Variants in C2CD5 observed in about 807,000 individuals in gnomAD.
C2CD5 encodes C2 domain-containing protein 5.
Under a neutral mutation model 130.3 loss-of-function variants are expected in C2CD5, and 109 were observed. The ratio of observed to expected loss-of-function variants is 0.84; its 90% CI spans 0.72 to 0.98. C2CD5 has a LOEUF of 0.98. Ranked by LOEUF, C2CD5 falls within the 50% of genes least tolerant of loss-of-function variation. C2CD5 has a pLI of 0.00. For synonymous variants in C2CD5, 454 were observed against 429.2 expected (o/e 1.06, Z -0.71); for missense variants, 996 against 1,261.8 (o/e 0.79, Z 3.19).
intron 7 of C2CD5, among the ~76,000 whole-genome samples, 185 bp from the exon 8 acceptor site, chr12:22,518,322 A>G (rs1442361099): frequency 1.3e-5 from 2 of 152,212 alleles, no homozygotes; most frequent in Non-Finnish European, 2.9e-5. Context: ...CCAGATAAAT[A>G]TTATCTGCAT....
chr12:22,477,431 C>A (rs1034518865), intron 15 of C2CD5: 3 of 152,112 alleles, frequency 2.0e-5, no homozygotes, highest in Non-Finnish European at 4.4e-5. Flanking sequence ...ACGCAACAAT[C>A]CAGACACACT....
intron 22 of C2CD5, among the ~76,000 whole-genome samples, chr12:22,469,481 A>C (rs1379626118): frequency 1.3e-5 from 2 of 152,190 alleles, no homozygotes; most frequent in Admixed American, 6.5e-5. Context: ...AGGTATGAGA[A>C]TAGAATATCA....
intron 10 of C2CD5, chr12:22,502,877 A>C: frequency 1.2e-6 from 1 of 808,722 alleles, no homozygotes; most frequent in African/African-American, 1.7e-5. Context: ...AAAACACTAC[A>C]AACAAGAACG....
intron 25 of C2CD5, among the ~76,000 whole-genome samples, chr12:22,455,209 T>C (rs1381586655): frequency 6.6e-6 from 1 of 152,184 alleles, no homozygotes; most frequent in African/African-American, 2.4e-5. Context: ...TGCCTCCAAC[T>C]CAATCATAGT....
At chr12:22,500,984 G>C (rs1947702657) in intron 10 of C2CD5, among the ~76,000 whole-genome samples, 1 of 152,002 alleles carries the variant, frequency 6.6e-6, no homozygotes, top group African/African-American at 2.4e-5. Flanking sequence ...ACATATGAGA[G>C]CAATGGCTAA....
rs1218276901 is a variant in C2CD5, at chr12:22,457,122, T to C, written c.2726A>G (p.Asn909Ser). 1.2e-6 allele frequency: 2 copies of C among 1,609,308 alleles called. No individual in the cohort carries two copies. The highest frequency in any genetic ancestry group is 2.2e-5 in the East Asian group (1 of 44,578). Residue 909 changes from asparagine to serine, a missense_variant, in exon 25 of 27, where the codon AAT (asparagine) becomes AGT (serine). Asn to Ser is a conservative substitution (Grantham distance 46). Coordinates refer to ENST00000446597, the MANE Select transcript of C2CD5 (RefSeq NM_001286176.2). ...VEKASPVGDG[N>S]FRNRSAPPCA... ...AGGTGGAGCAGAACGATTCCGGAAA[T>C]TTCCATCACCCACTGGACTTGCTTT... is the stretch of plus-strand genomic sequence containing the variant.
At chr12:22,510,466 T>C (rs1565759557) in intron 9 of C2CD5, among the ~76,000 whole-genome samples, 1 of 152,184 alleles carries the variant, frequency 6.6e-6, no homozygotes, top group Non-Finnish European at 1.5e-5. Flanking sequence ...AATGGGAGTA[T>C]TCTTTTAAAA....
chr12:22,497,861 T>C (rs1947220904), intron 10 of C2CD5, among the ~76,000 whole-genome samples: 1 of 151,474 alleles, frequency 6.6e-6, no homozygotes, highest in Non-Finnish European at 1.5e-5. Flanking sequence ...ATGTGCAATC[T>C]ACTCCATAAT....
At chr12:22,452,414 G>A (rs1210148005) in intron 26 of C2CD5, among the ~76,000 whole-genome samples, 1 of 151,832 alleles carries the variant, frequency 6.6e-6, no homozygotes, top group Non-Finnish European at 1.5e-5. Context: ...TTCTCCCCAT[G>A]TACCCCTTTT....
intron 7 of C2CD5, 90 bp from the exon 8 acceptor site, chr12:22,518,227 G>C: frequency 2.4e-6 from 3 of 1,236,150 alleles, no homozygotes; most frequent in Non-Finnish European, 3.6e-6. Context: ...GAAAGAATTG[G>C]GGCAGGGCCA....
At chr12:22,450,573 C>T (rs983867611) in intron 26 of C2CD5, among the ~76,000 whole-genome samples, 1 of 151,864 alleles carries the variant, frequency 6.6e-6, no homozygotes, top group East Asian at 1.9e-4. Flanking sequence ...AATATAAAAT[C>T]ATTTACATAA....
At chr12:22,496,788 A>G (rs1422820046) in intron 10 of C2CD5, among the ~76,000 whole-genome samples, 3 of 151,708 alleles carry the variant, frequency 2.0e-5, no homozygotes, top group African/African-American at 7.3e-5. Flanking sequence ...AAATCTTTTA[A>G]TATATCCTTT....
At chr12:22,524,661 A>G (rs746619396) in intron 5 of C2CD5, 34 bp from the exon 6 acceptor site, 1 of 1,564,704 alleles carries the variant, frequency 6.4e-7, no homozygotes, top group Non-Finnish European at 8.7e-7. Flanking sequence ...TCTGTTTATC[A>G]AAAGGTAAAA....
chr12:22,477,622 A>G (rs1440638315), intron 15 of C2CD5, among the ~76,000 whole-genome samples: 2 of 152,126 alleles, frequency 1.3e-5, no homozygotes, highest in Non-Finnish European at 2.9e-5. Context: ...AAAGTCTTTC[A>G]TTATCAGAGA....
intron 9 of C2CD5, 164 bp from the exon 10 acceptor site, chr12:22,506,983 A>G (rs1948625240): frequency 9.2e-6 from 5 of 543,082 alleles, no homozygotes; most frequent in Non-Finnish European, 1.7e-5. Context: ...TTAAATGTTT[A>G]GAGTTTCAAA....
chr12:22,476,191 C>T (rs752640508), intron 15 of C2CD5, among the ~76,000 whole-genome samples: 3 of 151,914 alleles, frequency 2.0e-5, no homozygotes. Flanking sequence ...AATGTATTGA[C>T]AAAAAATTTA....
rs546983471 is a variant in C2CD5, at chr12:22,492,017, C to T, written c.1262+1206G>A. ...AGTTAGTAGTTAACAAGAGTAGAAC[C>T]GCTACTATGGGAATAAACAGTCTAG... On this transcript the variant is annotated intron_variant, in intron 11 of 26. Coordinates refer to ENST00000446597, the MANE Select transcript of C2CD5 (RefSeq NM_001286176.2). 3.9e-5 allele frequency among the ~76,000 whole-genome samples: 6 copies of T among 152,212 alleles called. No homozygotes were observed. The East Asian group carries it at 7.7e-4, about 20-fold the overall frequency.
intron 8 of C2CD5, chr12:22,514,829 A>C: frequency 4.6e-6 from 1 of 219,552 alleles, no homozygotes; most frequent in Non-Finnish European, 7.7e-6. Flanking sequence ...TTATATCCTT[A>C]TAATTCCAAT....
At chr12:22,507,443 T>C (rs1048842230) in intron 9 of C2CD5, among the ~76,000 whole-genome samples, 14 of 152,266 alleles carry the variant, frequency 9.2e-5, no homozygotes, top group African/African-American at 2.9e-4. Context: ...TTAAGGAAAG[T>C]TGAAAGGTAC....
Sources: gnomAD v4.1 joint callset for allele counts (sites outside exome capture counted in the v4.1 genomes callset) on GRCh38, gnomAD v4.1.1 for gene constraint, MANE v1.5 for transcripts, NCBI Gene and HGNC (gene_info 2026-07-23, HGNC 2026-07-21) for gene names.